The following PPP3CA variants were observed in gnomAD, a reference collection of about 807,000 sequenced individuals.
The protein encoded by PPP3CA is protein phosphatase 3 catalytic subunit alpha.
A neutral mutation model predicts 66.5 loss-of-function variants in PPP3CA; 14 were observed. The observed-to-expected ratio is 0.21, with a 90% confidence interval of 0.14 to 0.33. The LOEUF is 0.33. Among genes scored for constraint, PPP3CA ranks in the 10% least tolerant of loss-of-function variants. PPP3CA has a pLI of 1.00. For missense variants in PPP3CA, 317 were observed against 639.5 expected, an observed-to-expected ratio of 0.50 and a Z score of 5.44; for synonymous variants, 232 against 226.2, an observed-to-expected ratio of 1.03 and a Z score of -0.23.
At chr4:101,067,023 T>C (rs549370250) in intron 8 of PPP3CA, among the ~76,000 whole-genome samples, 2 of 152,286 alleles carry the variant, frequency 1.3e-5, no homozygotes, top group East Asian at 1.9e-4. Context: ...CTCTTGTCAC[T>C]TAACAATTGT....
intron 5 of PPP3CA, among the ~76,000 whole-genome samples, chr4:101,097,961 T>A (rs980255040): frequency 1.3e-5 from 2 of 152,176 alleles, no homozygotes; most frequent in Admixed American, 6.6e-5. Context: ...AATAGATTTT[T>A]AAAAAACCAT....
At chr4:101,152,095 C>T (rs1041318120) in intron 2 of PPP3CA, among the ~76,000 whole-genome samples, 2 of 152,004 alleles carry the variant, frequency 1.3e-5, no homozygotes, top group South Asian at 2.1e-4. Flanking sequence ...GAATTTTTTC[C>T]GAATATTTGA....
At chr4:101,053,312 G>T (rs1240127392) in intron 10 of PPP3CA, among the ~76,000 whole-genome samples, 1 of 151,962 alleles carries the variant, frequency 6.6e-6, no homozygotes, top group South Asian at 2.1e-4. Flanking sequence ...CCTAATTCTG[G>T]CCAGACTTAT....
chr4:101,346,706 G>T (rs766238550), intron 1 of PPP3CA, 33 bp downstream of exon 1: 2 of 1,594,368 alleles, frequency 1.3e-6, no homozygotes, highest in African/African-American at 2.7e-5. Context: ...TGCGGCACAC[G>T]GTGCACCCAG....
chr4:101,151,429 G>A (rs75530213), intron 2 of PPP3CA, among the ~76,000 whole-genome samples: 3,841 of 151,398 alleles, frequency 0.025, 182 homozygotes, highest in African/African-American at 0.086. Context: ...GCGTGGTGGC[G>A]GACTCCTGTA....
intron 1 of PPP3CA, among the ~76,000 whole-genome samples, chr4:101,264,879 G>A (rs1727122201): frequency 6.6e-6 from 1 of 152,150 alleles, no homozygotes; most frequent in African/African-American, 2.4e-5. Context: ...AAAGGAGGTA[G>A]CAGGGAAAAG....
intron 1 of PPP3CA, among the ~76,000 whole-genome samples, chr4:101,235,727 A>G (rs1217021688): frequency 6.6e-6 from 1 of 151,850 alleles, no homozygotes; most frequent in Admixed American, 6.6e-5. Flanking sequence ...TTGACAGTCA[A>G]TCTGTCTAAA....
chr4:101,282,182 A>G (rs1205987936), intron 1 of PPP3CA, among the ~76,000 whole-genome samples: 20 of 152,220 alleles, frequency 1.3e-4, no homozygotes, highest in Admixed American at 1.3e-3. Flanking sequence ...TGCTAAGGCC[A>G]ATTTTGAGTA....
intron 2 of PPP3CA, among the ~76,000 whole-genome samples, chr4:101,192,933 AT>A (rs1724655704): frequency 6.6e-6 from 1 of 152,212 alleles, no homozygotes; most frequent in South Asian, 2.1e-4. Context: ...GACCCCAGCT[AT>A]TTAATAGTTT....
At chr4:101,339,118 G>A (rs1729728420) in intron 1 of PPP3CA, among the ~76,000 whole-genome samples, 1 of 152,164 alleles carries the variant, frequency 6.6e-6, no homozygotes, top group Non-Finnish European at 1.5e-5. Flanking sequence ...GACATTTTGG[G>A]GGCCAGAGAA....
chr4:101,028,478 C>A (rs1048383481), intron 13 of PPP3CA, among the ~76,000 whole-genome samples: 6 of 152,180 alleles, frequency 3.9e-5, no homozygotes, highest in Non-Finnish European at 8.8e-5. Context: ...AAAGCAGACA[C>A]TCAGTACACA....
At chr4:101,212,892 G>A (rs28464050) in intron 1 of PPP3CA, among the ~76,000 whole-genome samples, 6,922 of 151,816 alleles carry the variant, frequency 0.046, 484 homozygotes, top group African/African-American at 0.15. Context: ...TGTTATAAAC[G>A]GTTAAATTTA....
chr4:101,124,067 A>C (rs1009589101), intron 2 of PPP3CA, among the ~76,000 whole-genome samples: 1 of 152,186 alleles, frequency 6.6e-6, no homozygotes, highest in Non-Finnish European at 1.5e-5. Context: ...GGTTACAATA[A>C]TATTTCAATG....
At chr4:101,154,115 T>C (rs1487307376) in intron 2 of PPP3CA, among the ~76,000 whole-genome samples, 1 of 152,198 alleles carries the variant, frequency 6.6e-6, no homozygotes, top group Non-Finnish European at 1.5e-5. Context: ...ATGTCATCCT[T>C]ATGAACACTG....
chr4:101,166,068 T>C (rs1723685093), intron 2 of PPP3CA, among the ~76,000 whole-genome samples: 1 of 152,176 alleles, frequency 6.6e-6, no homozygotes, highest in Non-Finnish European at 1.5e-5. Flanking sequence ...GAAGATAAAC[T>C]TGAATTTGCA....
chr4:101,337,905 A>T (rs1167964922), intron 1 of PPP3CA, among the ~76,000 whole-genome samples: 2 of 152,216 alleles, frequency 1.3e-5, no homozygotes, highest in African/African-American at 4.8e-5. Context: ...GAGGTGACTC[A>T]TGAGCAGCCT....
intron 13 of PPP3CA, among the ~76,000 whole-genome samples, chr4:101,028,754 C>A (rs1043067813): frequency 6.6e-6 from 1 of 152,146 alleles, no homozygotes; most frequent in Non-Finnish European, 1.5e-5. Flanking sequence ...TGGCTACAAA[C>A]TTCTGAAGAC....
intron 3 of PPP3CA, among the ~76,000 whole-genome samples, chr4:101,106,458 A>AGAAAGAAAGAAAGAAAGAGAGAAAGAAG (rs1560605216): frequency 3.1e-5 from 1 of 32,676 alleles, no homozygotes; most frequent in Non-Finnish European, 5.8e-5. Flanking sequence ...AGAAAGAGAA[A>AGAAAGAAAGAAAGAAAGAGAGAAAGAAG]AGAAAAGAAA....
intron 1 of PPP3CA, among the ~76,000 whole-genome samples, chr4:101,327,945 A>T (rs924803196): frequency 6.6e-6 from 1 of 152,218 alleles, no homozygotes; most frequent in African/African-American, 2.4e-5. Flanking sequence ...AACCAAAAAA[A>T]ATATATTTGA....
Sources: gnomAD v4.1 joint callset for allele counts (sites outside exome capture counted in the v4.1 genomes callset) on GRCh38, gnomAD v4.1.1 for gene constraint, MANE v1.5 for transcripts, NCBI Gene and HGNC (gene_info 2026-07-23, HGNC 2026-07-21) for gene names.